FHIP2A: variants seen among roughly 807,000 people sequenced by gnomAD.
The protein encoded by FHIP2A is family with sequence similarity 160 member B1.
A neutral mutation model predicts 93.5 loss-of-function variants in FHIP2A; 46 were observed. That is an observed-to-expected ratio of 0.49 (90% confidence interval 0.39 to 0.63). The LOEUF (loss-of-function observed/expected upper bound fraction) is 0.63. Ranked by LOEUF, FHIP2A falls within the 20% of genes least tolerant of loss-of-function variation. The pLI is 0.00. For synonymous variants in FHIP2A, 332 were observed against 326.5 expected (o/e 1.02, Z -0.18); for missense variants, 769 against 909.7 (o/e 0.85, Z 1.99).
chr10:114,844,493 TTATTG>T (rs1438032620), intron 7 of FHIP2A, among the ~76,000 whole-genome samples: 1 of 152,214 alleles, frequency 6.6e-6, no homozygotes. Flanking sequence ...TAATCACCTT[TTATTG>T]TATTTCTCTG....
intron 13 of FHIP2A, among the ~76,000 whole-genome samples, chr10:114,851,000 G>A (rs780571527): frequency 1.4e-4 from 21 of 152,124 alleles, no homozygotes; most frequent in Non-Finnish European, 2.4e-4. Flanking sequence ...TGCAACCTCC[G>A]CCTCCTGGGT....
chr10:114,869,092 T>C (rs1417461614), downstream of FHIP2A, among the ~76,000 whole-genome samples: 1 of 152,180 alleles, frequency 6.6e-6, no homozygotes, highest in Non-Finnish European at 1.5e-5. Context: ...TTTACTATAA[T>C]GCAGAAAGAT....
intron 14 of FHIP2A, among the ~76,000 whole-genome samples, 155 bp from the exon 15 acceptor site, chr10:114,860,594 C>T (rs571378279): frequency 2.6e-5 from 4 of 152,118 alleles, no homozygotes; most frequent in South Asian, 4.1e-4. Flanking sequence ...TCAGGTGATC[C>T]GCCCGCCTCA....
chr10:114,858,409 C>T (rs974133970), intron 14 of FHIP2A, among the ~76,000 whole-genome samples: 4 of 152,100 alleles, frequency 2.6e-5, no homozygotes, highest in Admixed American at 2.0e-4. Context: ...GGTAACACCA[C>T]ACAGAGAAAA....
In FHIP2A at chr10:114,864,360, T is replaced by C. The variant is rs2083818034; in HGVS notation, c.*2820T>C. 1.0e-6 allele frequency: 1 copy of C among 985,698 alleles called. No homozygotes were observed. Among genetic ancestry groups the C allele is most frequent in the Non-Finnish European group, 1.2e-6 (1 of 829,760 alleles). The allele number at this position is 985,698 out of a possible 1,614,324, so 61.1% of individuals were successfully genotyped here. On this transcript the variant is annotated 3_prime_UTR_variant, in exon 17 of 17. Coordinates refer to ENST00000369248, the MANE Select transcript of FHIP2A (RefSeq NM_020940.4). Reference sequence around the variant, plus strand: ...TATATGGTAATTATATTTTGGGTTATGTAGTAAATCAAATATGCATGTCAT... The same window carrying C: ...TATATGGTAATTATATTTTGGGTTACGTAGTAAATCAAATATGCATGTCAT...
chr10:114,868,465 A>T (rs1056456688), downstream of FHIP2A, among the ~76,000 whole-genome samples: 1 of 152,122 alleles, frequency 6.6e-6, no homozygotes, highest in Non-Finnish European at 1.5e-5. Context: ...TTTTCATGAA[A>T]CCAGTCCCTG....
chr10:114,833,252 C>A lies in FHIP2A; in HGVS notation c.144C>A (p.Thr48=). The stretch of plus-strand genomic sequence containing the variant: ...GTTTAGATGATAAAGCCCCAGTGAC[C>A]GATACAAATATTCCATCGCATCTGG... ...IETSDDKAPV[T]DTNIPSHLEQ... is the part of the protein sequence containing the mutation. Residue 48 remains threonine, a synonymous_variant, in exon 3 of 17, where the codon ACC becomes ACA. Coordinates refer to ENST00000369248, the MANE Select transcript of FHIP2A (RefSeq NM_020940.4). 3 of 1,608,956 alleles carry A rather than the reference C, an allele frequency of 1.9e-6. No homozygotes were observed. Among genetic ancestry groups the A allele is most frequent in the Non-Finnish European group, 2.5e-6 (3 of 1,177,880 alleles).
At chr10:114,881,008 A>G (rs543844116) in intron 16 of FHIP2A, among the ~76,000 whole-genome samples, 1 of 152,344 alleles carries the variant, frequency 6.6e-6, no homozygotes, top group African/African-American at 2.4e-5. Flanking sequence ...CAGTATAAAC[A>G]TAACAGAAAG....
Position 114,846,103 on chromosome 10 carries a change from T to C in FHIP2A, c.1205+14T>C. The C allele has an allele frequency of 6.2e-7, 1 of 1,613,532 alleles. No homozygotes were observed. Among genetic ancestry groups the C allele is most frequent in the Non-Finnish European group, 8.5e-7 (1 of 1,179,700 alleles). On this transcript the variant is annotated intron_variant, in intron 9 of 16. Transcript: ENST00000369248. ...ATTAATGCAAACGTGAGTAGCCTGT[T>C]TTCTTTTGAAAAAAACCGCATCACT...
exon 17 of FHIP2A, chr10:114,899,669 C>T: frequency 3.4e-6 from 2 of 585,564 alleles, no homozygotes; most frequent in South Asian, 4.5e-5. Context: ...AATCACCTAT[C>T]CCATGCCCAG....
intron 10 of FHIP2A, 27 bp downstream of exon 10, chr10:114,846,394 G>A (rs1259227038): frequency 6.3e-7 from 1 of 1,579,276 alleles, no homozygotes. Context: ...TTTAGAATTG[G>A]ACTTAGATTC....
chr10:114,876,917 G>A (rs889585712), intron 16 of FHIP2A, among the ~76,000 whole-genome samples: 4 of 152,198 alleles, frequency 2.6e-5, no homozygotes, highest in African/African-American at 9.7e-5. Flanking sequence ...CCTAAACCCT[G>A]TAACTATTGA....
At chr10:114,836,728 T>A (rs2083638770) in intron 5 of FHIP2A, among the ~76,000 whole-genome samples, 1 of 152,196 alleles carries the variant, frequency 6.6e-6, no homozygotes, top group Non-Finnish European at 1.5e-5. Context: ...CACCAAATCA[T>A]AGTTTATTTA....
At chr10:114,827,143 A>G (rs2083581547) in intron 1 of FHIP2A, among the ~76,000 whole-genome samples, 1 of 152,234 alleles carries the variant, frequency 6.6e-6, no homozygotes, top group Admixed American at 6.5e-5. Flanking sequence ...CAAGACTCCC[A>G]GTTGAAGGCA....
intron 14 of FHIP2A, among the ~76,000 whole-genome samples, chr10:114,857,420 C>G (rs1211510129): frequency 6.6e-6 from 1 of 151,680 alleles, no homozygotes; most frequent in Non-Finnish European, 1.5e-5. Context: ...AGCGATTCTC[C>G]CGTCTCAGCG....
intron 15 of FHIP2A, 36 bp downstream of exon 15, chr10:114,860,925 A>G (rs2083794602): frequency 1.9e-6 from 3 of 1,582,126 alleles, no homozygotes; most frequent in Non-Finnish European, 1.7e-6. Context: ...CCTAGGATTG[A>G]TAAATCTGTG....
chr10:114,873,702 A>C (rs561669645), intron 16 of FHIP2A, among the ~76,000 whole-genome samples: 4 of 152,308 alleles, frequency 2.6e-5, no homozygotes, highest in East Asian at 1.9e-4. Context: ...TTTGTTGCTC[A>C]AATTGTTCCA....
At chr10:114,895,939 C>A (rs916343293) in intron 16 of FHIP2A, among the ~76,000 whole-genome samples, 1 of 152,144 alleles carries the variant, frequency 6.6e-6, no homozygotes, top group African/African-American at 2.4e-5. Flanking sequence ...TCAATTTATT[C>A]TCATTACTCA....
intron 12 of FHIP2A, 100 bp downstream of exon 12, chr10:114,847,333 C>A: frequency 9.3e-7 from 1 of 1,073,580 alleles, no homozygotes; most frequent in Non-Finnish European, 1.3e-6. Context: ...CTGTTGCCCA[C>A]GCTGGAGTGC....
Sources: allele counts gnomAD v4.1 joint callset (sites outside exome capture counted in the v4.1 genomes callset), GRCh38; gene constraint gnomAD v4.1.1; transcripts MANE v1.5; gene names NCBI Gene and HGNC (gene_info 2026-07-23, HGNC 2026-07-21).